MGAM2: variants seen among roughly 807,000 people sequenced by gnomAD.
MGAM2 encodes maltase-glucoamylase 2 (putative), also known as probable maltase-glucoamylase 2.
MGAM2 carries 98 observed loss-of-function variants against 96.1 expected under a neutral mutation model. The observed-to-expected ratio is 1.02, with a 90% CI of 0.87 to 1.21. MGAM2 has a LOEUF of 1.21. MGAM2 is among the 50% of genes most tolerant of loss of function. The probability of loss-of-function intolerance (pLI) is 0.00; values close to 1 mark genes in which losing one functional copy is unlikely to be tolerated. For missense variants in MGAM2, 2,055 were observed against 1,182.4 expected, an observed-to-expected ratio of 1.74 and a Z score of -10.82; for synonymous variants, 749 against 414.8, an observed-to-expected ratio of 1.81 and a Z score of -9.79.
intron 45 of MGAM2, among the ~76,000 whole-genome samples, chr7:142,202,954 T>C (rs1001293414): frequency 6.6e-5 from 10 of 152,054 alleles, no homozygotes; most frequent in African/African-American, 2.4e-4. Context: ...AGCATTTCCT[T>C]TTCTCTGCAG....
intron 23 of MGAM2, among the ~76,000 whole-genome samples, chr7:142,162,669 A>G (rs899409270): frequency 2.6e-5 from 4 of 151,334 alleles, no homozygotes; most frequent in Admixed American, 6.6e-5. Flanking sequence ...ACTTTAAGAT[A>G]TAGAATATAT....
intron 15 of MGAM2, among the ~76,000 whole-genome samples, chr7:142,152,707 C>T (rs747912667): frequency 6.6e-6 from 1 of 152,108 alleles, no homozygotes; most frequent in Non-Finnish European, 1.5e-5. Flanking sequence ...AGCTTGCCTG[C>T]GAAGAGCTGG....
At chr7:142,178,534 A>G (rs1171095380) in intron 32 of MGAM2, among the ~76,000 whole-genome samples, 1 of 152,132 alleles carries the variant, frequency 6.6e-6, no homozygotes, top group Non-Finnish European at 1.5e-5. Flanking sequence ...TTTTGTATAT[A>G]GTGAAAGGTA....
chr7:142,131,814 G>A, intron 5 of MGAM2, 117 bp from the exon 6 acceptor site: 1 of 614,040 alleles, frequency 1.6e-6, no homozygotes, highest in Admixed American at 2.8e-5. Flanking sequence ...AAGCCACAAG[G>A]TGAAGAATTA....
At chr7:142,170,011 GGGTGGCA>G (rs1219876089) in intron 26 of MGAM2, 57 bp from the exon 27 acceptor site, 1 of 641,174 alleles carries the variant, frequency 1.6e-6, no homozygotes, top group Non-Finnish European at 2.8e-6. Context: ...GAATTATATG[GGGTGGCA>G]TGAGGGGTTT....
rs1019987321 is a variant in MGAM2 at position 142,172,633 on chromosome 7, T to C, written c.3449-19T>C. 18 of 688,830 alleles carry C rather than the reference T, an allele frequency of 2.6e-5. No individual in the cohort carries two copies. In the African/African-American group the frequency reaches 3.0e-4, roughly 12 times the overall value. 42.7% of individuals were successfully genotyped at this position (688,830 alleles called of 1,614,324 possible). ...TACAACTCCAAGGATGTGCCTCATG[T>C]GTGTTGTTTTTCTTACAGATGTGAC... On this transcript the variant is annotated intron_variant, in intron 29 of 47. Coordinates refer to ENST00000477922, the MANE Select transcript of MGAM2 (RefSeq NM_001293626.2).
Position 142,154,842 on chromosome 7 carries a change from C to G in MGAM2, c.1920C>G (p.Phe640Leu). The G allele has an allele frequency of 1.4e-6, 1 of 703,130 alleles. No individual in the cohort carries two copies. Among genetic ancestry groups the G allele is most frequent in the South Asian group, 1.5e-5 (1 of 67,592 alleles). 43.6% of individuals were successfully genotyped at this position (703,130 alleles called of 1,614,324 possible). The change falls in exon 17 of 48, where the codon TTC becomes TTG. Residue 640 changes from phenylalanine to leucine, a missense_variant. By Grantham distance (22) the Phe-to-Leu change is conservative (BLOSUM62 0). Coordinates refer to ENST00000477922, the MANE Select transcript of MGAM2 (RefSeq NM_001293626.2). ...PLPRNHNGPG[F>L]RDQDPAAFGV... Reference sequence around the variant, plus strand: ...CAAGGAATCACAATGGGCCTGGGTTCAGGGTAAGGTCACCAAAAGAAGTGA... The same window carrying G: ...CAAGGAATCACAATGGGCCTGGGTTGAGGGTAAGGTCACCAAAAGAAGTGA...
intron 21 of MGAM2, among the ~76,000 whole-genome samples, chr7:142,160,774 A>C (rs548752548): frequency 9.9e-5 from 15 of 151,706 alleles, no homozygotes; most frequent in Non-Finnish European, 2.1e-4. Flanking sequence ...AACTTTGTAG[A>C]GTTATTATGA....
Position 142,221,181 on chromosome 7 carries a change from A to G in MGAM2, c.6670A>G (p.Thr2224Ala), listed in dbSNP as rs188656483. Reference sequence around the variant, plus strand: ...TGTTATTATGGCAACTACTTCTCCTACAAGTACTGATGTTGCTAGCACAAA... The same window carrying G: ...TGTTATTATGGCAACTACTTCTCCTGCAAGTACTGATGTTGCTAGCACAAA... ...TTVIMATTSP[T>A]STDVASTNND... Residue 2224 changes from threonine to alanine, a missense_variant, in exon 48 of 48, where the codon ACA becomes GCA. Physicochemically the swap from Thr to Ala is moderately conservative, Grantham distance 58 (BLOSUM62 0). Transcript: ENST00000477922. 6 of 702,540 alleles carry G rather than the reference A, an allele frequency of 8.5e-6. No individual in the cohort carries two copies. The highest frequency in any genetic ancestry group is 5.4e-5 in the East Asian group (2 of 37,238). The allele number at this position is 702,540 out of a possible 1,614,324, so 43.5% of individuals were successfully genotyped here.
chr7:142,186,656 CTA>C (rs1273734330), intron 35 of MGAM2, among the ~76,000 whole-genome samples: 1 of 152,218 alleles, frequency 6.6e-6, no homozygotes, highest in Non-Finnish European at 1.5e-5. Flanking sequence ...GCAGCTCTAT[CTA>C]TGTTTTCCTC....
At chr7:142,187,612 C>G (rs1453884420) in intron 35 of MGAM2, 138 bp from the exon 36 acceptor site, 10 of 567,774 alleles carry the variant, frequency 1.8e-5, no homozygotes, top group Non-Finnish European at 2.9e-5. Flanking sequence ...TGGGTCAGTG[C>G]CAGGAATTAA....
At position 142,189,446 on chromosome 7, in the gene MGAM2, C is replaced by T. The variant is rs1438378923; in HGVS notation, c.4287C>T (p.Pro1429=). The T allele has an allele frequency of 1.4e-5, 11 of 810,900 alleles. No homozygotes were observed. Among genetic ancestry groups the T allele is most frequent in the East Asian group, 5.3e-5 (2 of 37,652 alleles). The allele number at this position is 810,900 out of a possible 1,614,324, so 50.2% of individuals were successfully genotyped here. The change falls in exon 37 of 48, where the codon CCC becomes CCT. Residue 1429 remains proline (P), a synonymous_variant. Transcript: ENST00000477922. ...AGCAGATCCTGCCGGACAGCTCCCC[C>T]GTGGAGCACTACAACGTGCACAACC... ...ESQQILPDSS[P]VEHYNVHNLY... is the part of the protein sequence containing the mutation.
intron 37 of MGAM2, 114 bp downstream of exon 37, chr7:142,189,619 A>T: frequency 2.1e-6 from 1 of 487,436 alleles, no homozygotes; most frequent in Non-Finnish European, 3.6e-6. Context: ...GGTTAAAGTC[A>T]AAATTTCAGG....
intron 45 of MGAM2, among the ~76,000 whole-genome samples, chr7:142,207,719 G>A (rs1325586282): frequency 2.0e-5 from 3 of 152,098 alleles, no homozygotes; most frequent in Admixed American, 2.0e-4. Flanking sequence ...GTGAGCCACC[G>A]CGCCCAGCCC....
rs139294456 is a variant in MGAM2, at chr7:142,175,034, C to T, written c.3688-618C>T. Among the ~76,000 whole-genome samples the T allele has an allele frequency of 1.3e-4, 20 of 152,206 alleles. No homozygotes were observed. The East Asian group carries it at 3.9e-3, about 29-fold the overall frequency. On this transcript the variant is annotated intron_variant, in intron 31 of 47. Transcript: ENST00000477922. ...GTGCCTAGCCCGTTTATTTATTTCT[C>T]TTGCCTGATTGCCCTGGCCAGAACT... is the stretch of plus-strand genomic sequence containing the variant.
intron 23 of MGAM2, among the ~76,000 whole-genome samples, chr7:142,164,038 C>T (rs112691426): frequency 0.013 from 2,013 of 152,110 alleles, 39 homozygotes; most frequent in African/African-American, 0.046. Context: ...ACATTTAAGT[C>T]GTGATCTATT....
intron 44 of MGAM2, among the ~76,000 whole-genome samples, chr7:142,199,642 A>C (rs1797156389): frequency 6.6e-6 from 1 of 152,184 alleles, no homozygotes; most frequent in South Asian, 2.1e-4. Flanking sequence ...TATTACTTGT[A>C]TGTATATTTG....
chr7:142,117,276 C>T (rs2129073522), intron 2 of MGAM2, among the ~76,000 whole-genome samples: 1 of 152,210 alleles, frequency 6.6e-6, no homozygotes, highest in South Asian at 2.1e-4. Context: ...AGTCGTACTG[C>T]CTTCAATGAG....
chr7:142,119,186 A>G (rs924634763), intron 2 of MGAM2, among the ~76,000 whole-genome samples: 1 of 152,178 alleles, frequency 6.6e-6, no homozygotes, highest in African/African-American at 2.4e-5. Flanking sequence ...ATATAAGAGA[A>G]TATATTCTCT....
Sources: allele counts gnomAD v4.1 joint callset (sites outside exome capture counted in the v4.1 genomes callset), GRCh38; gene constraint gnomAD v4.1.1; transcripts MANE v1.5; gene names NCBI Gene and HGNC (gene_info 2026-07-23, HGNC 2026-07-21).